Variants in SKAP1 observed in about 807,000 individuals in gnomAD.
The protein encoded by SKAP1 is src kinase-associated phosphoprotein 1.
Under a neutral mutation model 58.5 loss-of-function variants are expected in SKAP1, and 44 were observed. The observed-to-expected ratio is 0.75, with a 90% CI of 0.59 to 0.97. SKAP1 has a LOEUF of 0.97. Among genes scored for constraint, SKAP1 ranks in the 50% least tolerant of loss-of-function variants. The pLI, the probability that SKAP1 is intolerant of heterozygous loss-of-function variation, is 0.00. For synonymous variants in SKAP1, 127 were observed against 149.7 expected, an observed-to-expected ratio of 0.85 and a Z score of 1.11; for missense variants, 390 against 435.2, an observed-to-expected ratio of 0.90 and a Z score of 0.92.
intron 12 of SKAP1, among the ~76,000 whole-genome samples, chr17:48,136,172 CTCTCT>C (rs1334833192): frequency 1.3e-5 from 2 of 151,062 alleles, no homozygotes; most frequent in Non-Finnish European, 2.9e-5. Context: ...ATGCTTTTCT[CTCTCT>C]TTTTTTTTTT....
intron 4 of SKAP1, among the ~76,000 whole-genome samples, chr17:48,298,394 AT>A (rs1387339652): frequency 6.6e-6 from 1 of 152,220 alleles, no homozygotes; most frequent in African/African-American, 2.4e-5. Flanking sequence ...GTTACCCTGG[AT>A]TCCCAATTCT....
At chr17:48,377,068 T>A in intron 2 of SKAP1, among the ~76,000 whole-genome samples, 1 of 152,076 alleles carries the variant, frequency 6.6e-6, no homozygotes, top group South Asian at 2.1e-4. Flanking sequence ...AGGGACAGGG[T>A]AGGATACTGA....
At chr17:48,170,184 C>G (rs1484923076) in intron 10 of SKAP1, among the ~76,000 whole-genome samples, 1 of 152,230 alleles carries the variant, frequency 6.6e-6, no homozygotes, top group East Asian at 1.9e-4. Flanking sequence ...CCTGTGTTCA[C>G]TTTTCAGATC....
At chr17:48,306,860 A>T (rs1260509296) in intron 4 of SKAP1, among the ~76,000 whole-genome samples, 1 of 152,220 alleles carries the variant, frequency 6.6e-6, no homozygotes, top group Admixed American at 6.5e-5. Flanking sequence ...TATAATAGAG[A>T]AATTAACTCT....
At chr17:48,172,647 T>G (rs2064232466) in intron 9 of SKAP1, among the ~76,000 whole-genome samples, 2 of 152,220 alleles carry the variant, frequency 1.3e-5, no homozygotes, top group African/African-American at 4.8e-5. Flanking sequence ...ACATTTACTT[T>G]CCTTTCTCCT....
chr17:48,329,036 T>C (rs1358443131), intron 4 of SKAP1, among the ~76,000 whole-genome samples: 1 of 152,236 alleles, frequency 6.6e-6, no homozygotes, highest in Non-Finnish European at 1.5e-5. Flanking sequence ...AGTTTCTTAG[T>C]CTTCCAGCCA....
At chr17:48,142,093 A>G (rs190889903) in intron 11 of SKAP1, among the ~76,000 whole-genome samples, 1 of 152,232 alleles carries the variant, frequency 6.6e-6, no homozygotes, top group East Asian at 1.9e-4. Flanking sequence ...TGAGGACTGG[A>G]CCTTGTTGGT....
chr17:48,301,742 G>T (rs1297655205), intron 4 of SKAP1, among the ~76,000 whole-genome samples: 8 of 152,152 alleles, frequency 5.3e-5, no homozygotes, highest in Non-Finnish European at 2.9e-5. Context: ...CTCCCAAAGT[G>T]CTGGGATTAC....
intron 4 of SKAP1, among the ~76,000 whole-genome samples, chr17:48,192,602 A>G (rs1402390131): frequency 6.6e-6 from 1 of 152,202 alleles, no homozygotes; most frequent in South Asian, 2.1e-4. Context: ...TTAAGACTCC[A>G]GGCCCCAGCG....
At chr17:48,400,925 G>A (rs1405059926) in intron 1 of SKAP1, among the ~76,000 whole-genome samples, 1 of 152,008 alleles carries the variant, frequency 6.6e-6, no homozygotes, top group Non-Finnish European at 1.5e-5. Flanking sequence ...CAAAATCCCA[G>A]CTGGCTTTTT....
chr17:48,384,987 T>G (rs887476250), intron 2 of SKAP1, among the ~76,000 whole-genome samples: 1 of 151,350 alleles, frequency 6.6e-6, no homozygotes, highest in African/African-American at 2.4e-5. Flanking sequence ...GAGGGCAGGG[T>G]AGAAAAATGA....
intron 9 of SKAP1, among the ~76,000 whole-genome samples, chr17:48,174,169 A>G (rs1272278660): frequency 6.6e-6 from 1 of 152,184 alleles, no homozygotes; most frequent in African/African-American, 2.4e-5. Flanking sequence ...AACATTGGCT[A>G]TAGAGCTTTT....
intron 11 of SKAP1, among the ~76,000 whole-genome samples, chr17:48,140,836 TG>T: frequency 6.6e-6 from 1 of 150,632 alleles, no homozygotes. Flanking sequence ...TGCAGTGCAG[TG>T]GTGTGATCTC....
intron 4 of SKAP1, among the ~76,000 whole-genome samples, chr17:48,299,154 T>C (rs2066024726): frequency 6.6e-6 from 1 of 152,214 alleles, no homozygotes; most frequent in African/African-American, 2.4e-5. Context: ...CATATTTCAG[T>C]AGTGAAAGGG....
intron 2 of SKAP1, among the ~76,000 whole-genome samples, chr17:48,396,344 A>G (rs2067417848): frequency 6.6e-6 from 1 of 152,170 alleles, no homozygotes; most frequent in Non-Finnish European, 1.5e-5. Context: ...ACTGCCTAAC[A>G]CTTTCTCGTT....
chr17:48,241,538 C>T (rs2065243748), intron 4 of SKAP1, among the ~76,000 whole-genome samples: 2 of 151,978 alleles, frequency 1.3e-5, no homozygotes, highest in African/African-American at 4.8e-5. Flanking sequence ...ACATTTGTGC[C>T]TCAGCTGACA....
chr17:48,225,759 T>C (rs1246367911), intron 4 of SKAP1, among the ~76,000 whole-genome samples: 1 of 152,158 alleles, frequency 6.6e-6, no homozygotes, highest in Non-Finnish European at 1.5e-5. Flanking sequence ...AACCAGCAGG[T>C]CCCTTAAATT....
At chr17:48,232,579 T>G (rs1365674972) in intron 4 of SKAP1, among the ~76,000 whole-genome samples, 1 of 152,194 alleles carries the variant, frequency 6.6e-6, no homozygotes, top group Non-Finnish European at 1.5e-5. Context: ...CAGCATAAAG[T>G]ATATGGATAT....
At chr17:48,279,608 T>A (rs1217450843) in intron 4 of SKAP1, among the ~76,000 whole-genome samples, 1 of 152,226 alleles carries the variant, frequency 6.6e-6, no homozygotes, top group African/African-American at 2.4e-5. Context: ...AAAATGAATT[T>A]TTTTCTAAAA....
Sources: gnomAD v4.1 joint callset for allele counts (sites outside exome capture counted in the v4.1 genomes callset) on GRCh38, gnomAD v4.1.1 for gene constraint, MANE v1.5 for transcripts, NCBI Gene and HGNC (gene_info 2026-07-23, HGNC 2026-07-21) for gene names.